The following ATXN8OS variants were observed in gnomAD, a reference collection of about 807,000 sequenced individuals.
ATXN8OS encodes ATXN8 opposite strand (non-protein coding).
chr13:70,143,870 T>G (rs1888748026), intron 3 of ATXN8OS, among the ~76,000 whole-genome samples: 1 of 152,142 alleles, frequency 6.6e-6, no homozygotes, highest in South Asian at 2.1e-4. Context: ...ACATGGAAAT[T>G]AATAGCTATA....
intron 4 of ATXN8OS, among the ~76,000 whole-genome samples, chr13:70,165,470 A>C (rs1471208438): frequency 2.0e-5 from 3 of 152,004 alleles, no homozygotes; most frequent in Admixed American, 2.0e-4. Context: ...TGAATACTAT[A>C]ATTTCAATAA....
chr13:70,150,921 A>G (rs1363036752), intron 4 of ATXN8OS, among the ~76,000 whole-genome samples: 1 of 152,124 alleles, frequency 6.6e-6, no homozygotes, highest in Non-Finnish European at 1.5e-5. Context: ...AAGTTGCTCA[A>G]AGAAGGTTCG....
chr13:70,160,942 T>C (rs1331640663), intron 4 of ATXN8OS, among the ~76,000 whole-genome samples: 7 of 150,604 alleles, frequency 4.6e-5, no homozygotes, highest in Non-Finnish European at 8.9e-5. Context: ...AACTTTCAGG[T>C]GGACCGACAC....
chr13:70,165,882 T>C (rs1179867895), intron 4 of ATXN8OS, among the ~76,000 whole-genome samples: 1 of 151,968 alleles, frequency 6.6e-6, no homozygotes, highest in Non-Finnish European at 1.5e-5. Flanking sequence ...AATAATACAA[T>C]GAATAATGGT....
chr13:70,115,416 G>A (rs1888264449), intron 2 of ATXN8OS: 1 of 395,304 alleles, frequency 2.5e-6, no homozygotes, highest in African/African-American at 2.1e-5. Context: ...GTTTCCAACA[G>A]AAGAATGTGA....
At chr13:70,143,300 A>G (rs1235606468) in intron 3 of ATXN8OS, among the ~76,000 whole-genome samples, 1 of 151,950 alleles carries the variant, frequency 6.6e-6, no homozygotes, top group Non-Finnish European at 1.5e-5. Flanking sequence ...TTCCTCTAAA[A>G]TGCTTGTTGC....
chr13:70,128,430 A>G (rs1383783460), intron 2 of ATXN8OS, among the ~76,000 whole-genome samples: 1 of 152,174 alleles, frequency 6.6e-6, no homozygotes. Flanking sequence ...GAAGGAATCA[A>G]AAGGCTGAAC....
In ATXN8OS at chr13:70,151,721, C is replaced by T. The variant is rs1888869508; in HGVS notation, n.573+4293C>T. Among the ~76,000 whole-genome samples the T allele has an allele frequency of 3.9e-5, 6 of 151,950 alleles. No homozygotes were observed. The South Asian group carries it at 1.2e-3, about 32-fold the overall frequency. ...TTGGAAGTCACTGAATAGGAGGGAG[C>T]GATGATTAAAGTTGTATTTCAACAA... On this transcript the variant is annotated intron_variant and non_coding_transcript_variant, in intron 4 of 4. Transcript: ENST00000678624.
Position 70,143,885 on chromosome 13 carries a change from A to T in ATXN8OS, n.500-3470A>T, listed in dbSNP as rs115592681. On this transcript the variant is annotated intron_variant and non_coding_transcript_variant, in intron 3 of 4. Coordinates refer to ENST00000678624, the Ensembl canonical transcript of ATXN8OS. The stretch of plus-strand genomic sequence containing the variant: ...ACATGGAAATTAATAGCTATATTTT[A>T]AAATGATTTAATGATATATTGAGAA... Among the ~76,000 whole-genome samples the T allele has an allele frequency of 7.9e-3, 1,201 of 152,272 alleles. 14 individuals are homozygous for T. Among genetic ancestry groups the T allele is most frequent in the African/African-American group, 0.027 (1,117 of 41,562 alleles).
At chr13:70,128,854 C>T (rs986723482) in intron 2 of ATXN8OS, among the ~76,000 whole-genome samples, 2 of 110,442 alleles carry the variant, frequency 1.8e-5, no homozygotes, top group African/African-American at 4.2e-5. Flanking sequence ...CAAAATCCCC[C>T]CACCTTTTTT....
At chr13:70,161,662 A>G (rs573391173) in intron 4 of ATXN8OS, among the ~76,000 whole-genome samples, 3 of 150,942 alleles carry the variant, frequency 2.0e-5, no homozygotes, top group African/African-American at 4.8e-5. Context: ...GTATTCTTGC[A>G]TGAGAACTTA....
At chr13:70,146,879 C>T (rs1220045917) in intron 3 of ATXN8OS, among the ~76,000 whole-genome samples, 1 of 151,960 alleles carries the variant, frequency 6.6e-6, no homozygotes, top group Non-Finnish European at 1.5e-5. Flanking sequence ...CTAACGTGCA[C>T]ATTGTGCACA....
intron 3 of ATXN8OS, among the ~76,000 whole-genome samples, chr13:70,146,430 C>T (rs1176522731): frequency 2.0e-5 from 3 of 151,998 alleles, no homozygotes; most frequent in African/African-American, 7.2e-5. Context: ...ACCCAAAGGG[C>T]TATAAATCAT....
At chr13:70,117,528 A>G (rs577615449) in intron 2 of ATXN8OS, among the ~76,000 whole-genome samples, 2 of 152,126 alleles carry the variant, frequency 1.3e-5, no homozygotes, top group Non-Finnish European at 2.9e-5. Flanking sequence ...TAAAGCATTT[A>G]AATTATAACA....
At chr13:70,152,170 T>A (rs1054684816) in intron 4 of ATXN8OS, among the ~76,000 whole-genome samples, 5 of 152,102 alleles carry the variant, frequency 3.3e-5, no homozygotes, top group Non-Finnish European at 7.4e-5. Flanking sequence ...AGACAATGAA[T>A]TCACATGGGA....
At chr13:70,134,572 C>T (rs995237886) in intron 3 of ATXN8OS, among the ~76,000 whole-genome samples, 34 of 152,278 alleles carry the variant, frequency 2.2e-4, no homozygotes, top group African/African-American at 7.5e-4. Flanking sequence ...CAAAGCCAGC[C>T]GACAGGAAGA....
chr13:70,116,867 T>C (rs1352342664), intron 2 of ATXN8OS, among the ~76,000 whole-genome samples: 2 of 152,092 alleles, frequency 1.3e-5, no homozygotes, highest in Non-Finnish European at 1.5e-5. Flanking sequence ...AAGTTCATGG[T>C]CTTTTTCTTT....
intron 4 of ATXN8OS, among the ~76,000 whole-genome samples, chr13:70,166,902 A>T (rs1889082521): frequency 6.6e-6 from 1 of 151,576 alleles, no homozygotes; most frequent in Non-Finnish European, 1.5e-5. Flanking sequence ...GCAGCCAAAA[A>T]ACACATGAAA....
chr13:70,139,187 C>CTA (rs1056418464), intron 3 of ATXN8OS: 6 of 421,234 alleles, frequency 1.4e-5, no homozygotes, highest in African/African-American at 1.2e-4. Flanking sequence ...CTGAGACATT[C>CTA]TATAGTCTGT....
Sources: gnomAD v4.1 joint callset for allele counts (sites outside exome capture counted in the v4.1 genomes callset) on GRCh38, gnomAD v4.1.1 for gene constraint, MANE v1.5 for transcripts, NCBI Gene and HGNC (gene_info 2026-07-23, HGNC 2026-07-21) for gene names.